The following ADAMTS3 variants were observed in gnomAD, a reference collection of about 807,000 sequenced individuals.
The protein encoded by ADAMTS3 is A disintegrin and metalloproteinase with thrombospondin motifs 3.
A neutral mutation model predicts 129.0 loss-of-function variants in ADAMTS3; 73 were observed. The observed-to-expected ratio is 0.57, with a 90% CI of 0.47 to 0.69. The LOEUF (loss-of-function observed/expected upper bound fraction) is 0.69, where lower values mean the gene tolerates loss of function less well. Among genes scored for constraint, ADAMTS3 ranks in the 30% least tolerant of loss-of-function variants. The pLI, the probability that ADAMTS3 is intolerant of heterozygous loss-of-function variation, is 0.00. For missense variants in ADAMTS3, 1,457 were observed against 1,514.5 expected, an observed-to-expected ratio of 0.96 and a Z score of 0.63; for synonymous variants, 477 against 510.8, an observed-to-expected ratio of 0.93 and a Z score of 0.89.
At position 72,311,291 on chromosome 4, in the gene ADAMTS3, A is replaced by G. The variant is rs113254618; in HGVS notation, c.1922-110T>C. ...GTTTCACTGTGATTTCCTGAAAACA[A>G]AAGGAATACCGTATAAACAAATAAA... On this transcript the variant is annotated intron_variant, in intron 13 of 21. Transcript: ENST00000286657. 3.9e-5 allele frequency: 38 copies of G among 983,362 alleles called. No individual in the cohort carries two copies. In the African/African-American group the frequency reaches 5.1e-4, roughly 13 times the overall value. 60.9% of individuals were successfully genotyped at this position (983,362 alleles called of 1,614,324 possible).
intron 12 of ADAMTS3, among the ~76,000 whole-genome samples, 158 bp from the exon 13 acceptor site, chr4:72,312,624 C>T (rs1719273452): frequency 6.6e-6 from 1 of 152,074 alleles, no homozygotes. Context: ...TCCAAAGCAC[C>T]CTTCTCTCCC....
chr4:72,556,771 A>G (rs1266016976), intron 2 of ADAMTS3, among the ~76,000 whole-genome samples: 1 of 151,756 alleles, frequency 6.6e-6, no homozygotes, highest in Non-Finnish European at 1.5e-5. Context: ...AAATGAAGTG[A>G]AGTATACAAA....
At chr4:72,299,933 A>T (rs1371632332) in intron 17 of ADAMTS3, among the ~76,000 whole-genome samples, 1 of 152,150 alleles carries the variant, frequency 6.6e-6, no homozygotes, top group Non-Finnish European at 1.5e-5. Context: ...TGCCTTTAAA[A>T]AAATTGATTT....
At chr4:72,475,782 T>G (rs1278848127) in intron 3 of ADAMTS3, among the ~76,000 whole-genome samples, 2 of 151,414 alleles carry the variant, frequency 1.3e-5, no homozygotes, top group African/African-American at 2.4e-5. Context: ...TTAAAATAAC[T>G]GAAATCAGAC....
intron 4 of ADAMTS3, among the ~76,000 whole-genome samples, chr4:72,400,161 G>A (rs548305720): frequency 5.6e-5 from 8 of 141,972 alleles, no homozygotes; most frequent in Admixed American, 2.8e-4. Context: ...GTATATATAT[G>A]TGTGTATATA....
chr4:72,522,713 C>A (rs926389641), intron 3 of ADAMTS3, among the ~76,000 whole-genome samples: 1 of 152,140 alleles, frequency 6.6e-6, no homozygotes, highest in Non-Finnish European at 1.5e-5. Flanking sequence ...CCTTGTATAA[C>A]AGCTTTATAC....
chr4:72,324,271 T>C (rs1003099447), intron 5 of ADAMTS3, among the ~76,000 whole-genome samples: 5 of 152,178 alleles, frequency 3.3e-5, no homozygotes, highest in African/African-American at 1.2e-4. Context: ...TCACAAATCA[T>C]AGTATTTTGA....
intron 7 of ADAMTS3, 72 bp downstream of exon 7, chr4:72,320,642 G>C (rs1219858567): frequency 1.3e-6 from 2 of 1,492,782 alleles, no homozygotes; most frequent in Admixed American, 1.8e-5. Flanking sequence ...CATTTGAACA[G>C]ACTGCCTGAT....
intron 21 of ADAMTS3, among the ~76,000 whole-genome samples, chr4:72,285,385 TG>T (rs533701163): frequency 0.01 from 1,529 of 152,226 alleles, 26 homozygotes; most frequent in African/African-American, 0.035. Flanking sequence ...GAATTTTTTT[TG>T]AAAACCTGTA....
chr4:72,305,907 C>T (rs763640546), intron 16 of ADAMTS3, 80 bp downstream of exon 16: 2 of 1,163,492 alleles, frequency 1.7e-6, no homozygotes, highest in Admixed American at 1.9e-5. Context: ...TACATATATA[C>T]ATATCTATAT....
At chr4:72,412,269 T>G (rs1249827347) in intron 4 of ADAMTS3, among the ~76,000 whole-genome samples, 5 of 152,106 alleles carry the variant, frequency 3.3e-5, no homozygotes, top group African/African-American at 9.6e-5. Flanking sequence ...AGACCTCATA[T>G]GTTTCCTAAA....
intron 3 of ADAMTS3, among the ~76,000 whole-genome samples, chr4:72,505,130 C>T (rs1332707104): frequency 1.3e-5 from 2 of 152,108 alleles, no homozygotes; most frequent in Non-Finnish European, 2.9e-5. Context: ...TCACTACATT[C>T]GGATTTTTCA....
At chr4:72,302,632 T>C (rs1453101583) in intron 17 of ADAMTS3, among the ~76,000 whole-genome samples, 2 of 151,670 alleles carry the variant, frequency 1.3e-5, no homozygotes, top group Non-Finnish European at 2.9e-5. Flanking sequence ...GTCAAAAACA[T>C]CAACCTACAA....
intron 3 of ADAMTS3, among the ~76,000 whole-genome samples, chr4:72,479,327 T>C (rs1176732680): frequency 1.3e-5 from 2 of 152,188 alleles, no homozygotes; most frequent in Non-Finnish European, 2.9e-5. Context: ...AACAGCATGG[T>C]ACTGGTACCA....
intron 5 of ADAMTS3, among the ~76,000 whole-genome samples, chr4:72,326,801 A>G (rs748189782): frequency 4.6e-5 from 7 of 152,182 alleles, no homozygotes; most frequent in Non-Finnish European, 1.0e-4. Flanking sequence ...AGATTCTTCT[A>G]TTTGAAATTT....
At chr4:72,489,438 T>C (rs939962830) in intron 3 of ADAMTS3, among the ~76,000 whole-genome samples, 1 of 151,984 alleles carries the variant, frequency 6.6e-6, no homozygotes, top group Non-Finnish European at 1.5e-5. Flanking sequence ...AGCTCTGTCT[T>C]GCCCAGGACA....
At chr4:72,319,532 T>A in intron 8 of ADAMTS3, 57 bp from the exon 9 acceptor site, 1 of 1,550,356 alleles carries the variant, frequency 6.5e-7, no homozygotes, top group South Asian at 1.2e-5. Flanking sequence ...TTCACTTAAT[T>A]TTGGTTTTGA....
chr4:72,291,142 T>C, intron 19 of ADAMTS3, 80 bp from the exon 20 acceptor site: 1 of 1,486,628 alleles, frequency 6.7e-7, no homozygotes, highest in Non-Finnish European at 9.2e-7. Context: ...GCCTAGACTT[T>C]TCTGCTCTCT....
chr4:72,520,844 C>T (rs564979470), intron 3 of ADAMTS3, among the ~76,000 whole-genome samples: 1 of 152,156 alleles, frequency 6.6e-6, no homozygotes, highest in East Asian at 1.9e-4. Context: ...ATGTGCTGCA[C>T]CCTCTGTCCT....
Sources: gnomAD v4.1 joint callset for allele counts (sites outside exome capture counted in the v4.1 genomes callset) on GRCh38, gnomAD v4.1.1 for gene constraint, MANE v1.5 for transcripts, NCBI Gene and HGNC (gene_info 2026-07-23, HGNC 2026-07-21) for gene names.